The following NELL1 variants were observed in gnomAD, a reference collection of about 807,000 sequenced individuals.
The protein encoded by NELL1 is neural EGFL like 1.
In NELL1, 76 loss-of-function variants were observed where a neutral mutation model predicts 107.4. The ratio of observed to expected loss-of-function variants is 0.71; its 90% CI spans 0.59 to 0.86. NELL1 has a LOEUF of 0.86. NELL1 is among the 40% of genes least tolerant of loss of function. The pLI, the probability that NELL1 is intolerant of heterozygous loss-of-function variation, is 0.00. For synonymous variants in NELL1, 353 were observed against 341.2 expected (o/e 1.03, Z -0.38); for missense variants, 1,024 against 1,005.5 (o/e 1.02, Z -0.25).
chr11:20,793,111 CA>C (rs1476848953), intron 3 of NELL1, among the ~76,000 whole-genome samples: 12 of 151,734 alleles, frequency 7.9e-5, no homozygotes, highest in East Asian at 1.9e-4. Context: ...CTGAAAAGTA[CA>C]AAAAATATTT....
chr11:21,321,499 A>G (rs936106037), intron 14 of NELL1, among the ~76,000 whole-genome samples: 1 of 152,182 alleles, frequency 6.6e-6, no homozygotes, highest in African/African-American at 2.4e-5. Flanking sequence ...TATCTTAAAA[A>G]ATAAGAGTTC....
intron 3 of NELL1, among the ~76,000 whole-genome samples, chr11:20,840,250 G>T (rs1242260022): frequency 6.6e-6 from 1 of 152,120 alleles, no homozygotes; most frequent in Non-Finnish European, 1.5e-5. Flanking sequence ...CAGGCATTTA[G>T]TAGAAACATA....
intron 19 of NELL1, 145 bp from the exon 20 acceptor site, chr11:21,574,827 T>C (rs1057063182): frequency 4.4e-5 from 29 of 652,856 alleles, no homozygotes; most frequent in Middle Eastern, 4.3e-4. Context: ...CTAGTTTTTT[T>C]CCTAGCATTT....
chr11:21,357,424 G>C (rs1850959929), intron 14 of NELL1, among the ~76,000 whole-genome samples: 1 of 151,974 alleles, frequency 6.6e-6, no homozygotes, highest in Non-Finnish European at 1.5e-5. Flanking sequence ...GAATTTTTTT[G>C]TATATTCGTT....
intron 14 of NELL1, among the ~76,000 whole-genome samples, chr11:21,337,726 TCTTTCTTTC>T (rs1348603483): frequency 1.3e-5 from 2 of 148,710 alleles, no homozygotes; most frequent in African/African-American, 2.5e-5. Flanking sequence ...TTCATTCTTT[TCTTTCTTTC>T]CTTTCTTTCT....
At chr11:20,841,245 G>C (rs747914731) in intron 3 of NELL1, among the ~76,000 whole-genome samples, 1 of 151,588 alleles carries the variant, frequency 6.6e-6, no homozygotes. Flanking sequence ...CTGGACGTCT[G>C]CTACTTGTGT....
At chr11:20,892,761 T>A (rs1414429188) in intron 5 of NELL1, among the ~76,000 whole-genome samples, 2 of 152,090 alleles carry the variant, frequency 1.3e-5, no homozygotes, top group East Asian at 3.9e-4. Context: ...AAACCCTGTC[T>A]CTACTAAAAA....
chr11:21,189,681 C>CTTTTT (rs58557342), intron 13 of NELL1, among the ~76,000 whole-genome samples: 1 of 141,496 alleles, frequency 7.1e-6, no homozygotes. Context: ...TTGTTTCTTC[C>CTTTTT]TTTTTTTTTT....
At chr11:21,254,154 T>C (rs1858710905) in intron 14 of NELL1, among the ~76,000 whole-genome samples, 1 of 151,134 alleles carries the variant, frequency 6.6e-6, no homozygotes, top group Non-Finnish European at 1.5e-5. Flanking sequence ...TTATCAAAAT[T>C]GCCTGAAAAA....
At chr11:20,795,768 A>G (rs11025765) in intron 3 of NELL1, among the ~76,000 whole-genome samples, 34,967 of 152,014 alleles carry the variant, frequency 0.23, 4,345 homozygotes, top group African/African-American at 0.29. Context: ...TTGGCTTCCT[A>G]AGAAGGCATC....
At chr11:21,000,133 T>C (rs773243673) in intron 12 of NELL1, among the ~76,000 whole-genome samples, 3 of 152,144 alleles carry the variant, frequency 2.0e-5, no homozygotes, top group Non-Finnish European at 4.4e-5. Flanking sequence ...TTGGAAAACT[T>C]TTCTACTTAG....
At chr11:20,704,311 A>T (rs1453170933) in intron 2 of NELL1, among the ~76,000 whole-genome samples, 1 of 152,142 alleles carries the variant, frequency 6.6e-6, no homozygotes. Flanking sequence ...GTTTTATCAG[A>T]GACTAGGATT....
intron 15 of NELL1, among the ~76,000 whole-genome samples, chr11:21,443,201 C>T (rs1384166721): frequency 1.3e-5 from 2 of 152,038 alleles, no homozygotes; most frequent in African/African-American, 4.8e-5. Context: ...TTAGACCAAA[C>T]TCATCGTTTT....
At chr11:20,757,477 T>C (rs977973100) in intron 2 of NELL1, among the ~76,000 whole-genome samples, 3 of 152,218 alleles carry the variant, frequency 2.0e-5, no homozygotes, top group Admixed American at 2.0e-4. Context: ...CTTATTATCT[T>C]CCTTTGGTGC....
rs149608123 is a variant in NELL1 at position 21,462,773 on chromosome 11, G to A, written c.1646-71601G>A. Among the ~76,000 whole-genome samples, 34 of 152,108 alleles carry A rather than the reference G, an allele frequency of 2.2e-4. 1 individual carries two copies. In the East Asian group the frequency reaches 2.3e-3, roughly 10 times the overall value. On this transcript the variant is annotated intron_variant, in intron 15 of 19. Transcript: ENST00000357134. Reference sequence around the variant, plus strand: ...GCTCACAGGTTTCCAAGAGTCTAACGTAGAAAAATAAGCAATTGTGCATAT... The same window carrying A: ...GCTCACAGGTTTCCAAGAGTCTAACATAGAAAAATAAGCAATTGTGCATAT...
chr11:21,370,683 A>G (rs892823689), intron 14 of NELL1, among the ~76,000 whole-genome samples, 170 bp from the exon 15 acceptor site: 7 of 152,158 alleles, frequency 4.6e-5, no homozygotes, highest in South Asian at 2.1e-4. Context: ...AACCAGTGAA[A>G]TAGGTATTAT....
At chr11:21,224,846 A>T in intron 13 of NELL1, among the ~76,000 whole-genome samples, 1 of 152,192 alleles carries the variant, frequency 6.6e-6, no homozygotes, top group Non-Finnish European at 1.5e-5. Flanking sequence ...TGAATTTCTC[A>T]TTCAGATCAG....
chr11:21,320,223 T>G (rs1289756612), intron 14 of NELL1, among the ~76,000 whole-genome samples: 5 of 152,104 alleles, frequency 3.3e-5, no homozygotes, highest in Non-Finnish European at 2.9e-5. Context: ...GCAGATCTAC[T>G]TGAATGTGAG....
chr11:21,073,004 C>T (rs774648242), intron 12 of NELL1, among the ~76,000 whole-genome samples: 2 of 152,116 alleles, frequency 1.3e-5, no homozygotes, highest in African/African-American at 2.4e-5. Context: ...ATTTCCCCAT[C>T]GTTTATAATA....
Sources: allele counts gnomAD v4.1 joint callset (sites outside exome capture counted in the v4.1 genomes callset), GRCh38; gene constraint gnomAD v4.1.1; transcripts MANE v1.5; gene names NCBI Gene and HGNC (gene_info 2026-07-23, HGNC 2026-07-21).